MAPK10: variants seen among roughly 807,000 people sequenced by gnomAD.
MAPK10 encodes the protein mitogen-activated protein kinase 10.
In MAPK10, 25 loss-of-function variants were observed where a neutral mutation model predicts 59.3. The observed-to-expected ratio is 0.42, with a 90% CI of 0.31 to 0.59. MAPK10 has a LOEUF of 0.59. Among genes scored for constraint, MAPK10 ranks in the 20% least tolerant of loss-of-function variants. MAPK10 has a pLI of 0.15. For missense variants in MAPK10, 351 were observed against 568.9 expected, an observed-to-expected ratio of 0.62 and a Z score of 3.90; for synonymous variants, 190 against 200.5, an observed-to-expected ratio of 0.95 and a Z score of 0.44.
rs183918836 is a variant in MAPK10, at chr4:86,479,196, T to G, written c.-263+114714A>C. Among the ~76,000 whole-genome samples the G allele has an allele frequency of 2.0e-3, 311 of 152,246 alleles. 1 individual carries two copies. Among genetic ancestry groups the G allele is most frequent in the Non-Finnish European group, 3.1e-3 (214 of 68,028 alleles). On this transcript the variant is annotated intron_variant, in intron 1 of 4. Coordinates refer to the MAPK10 transcript ENST00000502302. ...TGGCCTTCCCACCTCTATACAGTCC[T>G]GTAAGGGACCGGCCTTTATTAGTCA...
intron 4 of MAPK10, among the ~76,000 whole-genome samples, chr4:86,134,943 G>A (rs895951465): frequency 4.6e-5 from 7 of 152,166 alleles, no homozygotes; most frequent in African/African-American, 1.4e-4. Flanking sequence ...CTGGAAAATC[G>A]GGTCACTCCC....
At chr4:86,470,733 G>A (rs1408670487) in intron 1 of MAPK10, among the ~76,000 whole-genome samples, 1 of 150,208 alleles carries the variant, frequency 6.7e-6, no homozygotes, top group Non-Finnish European at 1.5e-5. Flanking sequence ...AGAATTGAAT[G>A]TTAGGTGAAT....
At chr4:86,061,112 T>C (rs561760286) in intron 11 of MAPK10, among the ~76,000 whole-genome samples, 2 of 152,192 alleles carry the variant, frequency 1.3e-5, no homozygotes, top group African/African-American at 4.8e-5. Flanking sequence ...AAAGGAGAAC[T>C]TTCTTAGTTT....
intron 7 of MAPK10, 184 bp from the exon 8 acceptor site, chr4:86,101,401 T>C: frequency 3.8e-6 from 2 of 526,368 alleles, no homozygotes; most frequent in Non-Finnish European, 6.8e-6. Flanking sequence ...GAAAGTGTTT[T>C]AATCCCAGAA....
In MAPK10 at chr4:86,475,652, C is replaced by T. The variant is rs183060514; in HGVS notation, c.-263+118258G>A. ...TCAGAGGTGTCTGACCACATGGGGA[C>T]GCCTGCCTTGGTCCTTCACCCTTAA... On this transcript the variant is annotated intron_variant, in intron 1 of 4. Coordinates refer to the MAPK10 transcript ENST00000502302. Among the ~76,000 whole-genome samples, 381 of 152,220 alleles carry T rather than the reference C, an allele frequency of 2.5e-3. 2 individuals are homozygous for T. Among genetic ancestry groups the T allele is most frequent in the Non-Finnish European group, 2.4e-3 (164 of 68,028 alleles).
At chr4:86,305,724 C>G in intron 2 of MAPK10, among the ~76,000 whole-genome samples, 1 of 151,018 alleles carries the variant, frequency 6.6e-6, no homozygotes, top group East Asian at 2.0e-4. Context: ...GAGGCTGAGG[C>G]AGGAGAATCA....
At chr4:86,164,069 G>A (rs941809015) in intron 3 of MAPK10, among the ~76,000 whole-genome samples, 2 of 152,090 alleles carry the variant, frequency 1.3e-5, no homozygotes, top group East Asian at 3.9e-4. Context: ...TCCTGAGTGG[G>A]AAACATTGAG....
chr4:86,183,966 T>C (rs1322633331), intron 3 of MAPK10, among the ~76,000 whole-genome samples: 3 of 152,176 alleles, frequency 2.0e-5, no homozygotes, highest in East Asian at 3.9e-4. Context: ...TCATGTCCTT[T>C]GCCCACTTTT....
At chr4:86,032,167 T>C (rs1365895104) in intron 11 of MAPK10, 2 of 152,124 alleles carry the variant, frequency 1.3e-5, no homozygotes, top group African/African-American at 4.8e-5. Flanking sequence ...AGAGCCAGCA[T>C]TTCTCTTCCC....
intron 1 of MAPK10, among the ~76,000 whole-genome samples, chr4:86,590,732 G>GCCTA (rs1259686887): frequency 6.6e-5 from 10 of 152,092 alleles, no homozygotes; most frequent in Admixed American, 5.2e-4. Context: ...GCTGCAGTGA[G>GCCTA]CTGTGACCAC....
intron 1 of MAPK10, among the ~76,000 whole-genome samples, chr4:86,551,198 C>A (rs913450070): frequency 6.6e-6 from 1 of 152,014 alleles, no homozygotes; most frequent in African/African-American, 2.4e-5. Context: ...TGTGTTAGCC[C>A]CTCAAATGAA....
In MAPK10 at chr4:86,075,071, T is replaced by A. The variant is rs541454797; in HGVS notation, c.803-7116A>T. Among the ~76,000 whole-genome samples the A allele has an allele frequency of 1.6e-3, 242 of 150,322 alleles. 1 individual carries two copies. The highest frequency in any genetic ancestry group is 5.6e-3 in the African/African-American group (228 of 40,640). Reference sequence around the variant, plus strand: ...TTGGTCTTTTCATATAGTCCCATATTTCTTGGAGGCTTTGCTCATTTCTTT... The same window carrying A: ...TTGGTCTTTTCATATAGTCCCATATATCTTGGAGGCTTTGCTCATTTCTTT... On this transcript the variant is annotated intron_variant, in intron 9 of 13. Coordinates refer to ENST00000641462, the MANE Select transcript of MAPK10 (RefSeq NM_138982.4).
chr4:86,558,906 C>T (rs1470924422), intron 1 of MAPK10, among the ~76,000 whole-genome samples: 14 of 151,500 alleles, frequency 9.2e-5, no homozygotes, highest in Admixed American at 2.0e-4. Flanking sequence ...CTAGGGTCCA[C>T]GGAAGCCATT....
At chr4:86,283,119 TTATTTC>T (rs1387169640) in intron 2 of MAPK10, among the ~76,000 whole-genome samples, 1 of 152,208 alleles carries the variant, frequency 6.6e-6, no homozygotes, top group African/African-American at 2.4e-5. Flanking sequence ...AGCAGGAGTT[TTATTTC>T]TAATTATATT....
At chr4:86,089,649 GT>G (rs1477846841) in intron 9 of MAPK10, 1 of 160,772 alleles carries the variant, frequency 6.2e-6, no homozygotes, top group Non-Finnish European at 1.3e-5. Flanking sequence ...ATGCAAATCA[GT>G]TTCTTTTTTA....
At chr4:86,473,510 A>C (rs1407757667) in intron 1 of MAPK10, among the ~76,000 whole-genome samples, 1 of 152,228 alleles carries the variant, frequency 6.6e-6, no homozygotes, top group Non-Finnish European at 1.5e-5. Context: ...AGAATTGGAA[A>C]GAGATTAGGA....
intron 1 of MAPK10, among the ~76,000 whole-genome samples, chr4:86,475,024 G>A (rs952293055): frequency 6.6e-5 from 10 of 152,014 alleles, no homozygotes; most frequent in Non-Finnish European, 1.2e-4. Context: ...AGCACCTTGT[G>A]ACCCCCACTC....
chr4:86,076,281 GCGC>G (rs925721696), intron 9 of MAPK10, among the ~76,000 whole-genome samples: 4 of 152,098 alleles, frequency 2.6e-5, no homozygotes, highest in Admixed American at 2.6e-4. Flanking sequence ...CCACTGGCCT[GCGC>G]CCACTGTCTG....
At chr4:86,265,850 A>G (rs1339863959) in intron 2 of MAPK10, among the ~76,000 whole-genome samples, 1 of 152,194 alleles carries the variant, frequency 6.6e-6, no homozygotes, top group Non-Finnish European at 1.5e-5. Flanking sequence ...TCAAAGTGAC[A>G]GCATGCCACC....
Sources: allele counts gnomAD v4.1 joint callset (sites outside exome capture counted in the v4.1 genomes callset), GRCh38; gene constraint gnomAD v4.1.1; transcripts MANE v1.5; gene names NCBI Gene and HGNC (gene_info 2026-07-23, HGNC 2026-07-21).